ADNP: variants seen among roughly 807,000 people sequenced by gnomAD.
The protein encoded by ADNP is activity-dependent neuroprotector homeobox protein.
Under a neutral mutation model 84.9 loss-of-function variants are expected in ADNP, and 4 were observed. The ratio of observed to expected loss-of-function variants is 0.05; its 90% CI spans 0.02 to 0.11. ADNP has a LOEUF of 0.11. ADNP is among the 10% of genes least tolerant of loss of function. The probability of loss-of-function intolerance (pLI) is 1.00; values close to 1 mark genes in which losing one functional copy is unlikely to be tolerated. For synonymous variants in ADNP, 554 were observed against 468.1 expected, an observed-to-expected ratio of 1.18 and a Z score of -2.37; for missense variants, 1,132 against 1,326.0, an observed-to-expected ratio of 0.85 and a Z score of 2.27.
Position 50,892,066 on chromosome 20 carries a change from T to C in ADNP, c.2648A>G (p.Glu883Gly), listed in dbSNP as rs1980818418. ...DSSSDSFENL[E>G]EESNESGSPF... The stretch of plus-strand genomic sequence containing the variant: ...GCTACCACTTTCATTGGATTCTTCT[T>C]CCAAATTTTCAAAACTGTCTGAGGA... Residue 883 changes from glutamate (E) to glycine (G), a missense_variant, in exon 6 of 6, where the codon GAA becomes GGA. Physicochemically the swap from Glu to Gly is moderately conservative, Grantham distance 98. Around this residue, in one of 10 missense-constraint regions of ADNP, gnomAD observed 381 missense variants for 319.9 expected, o/e 1.19. Transcript: ENST00000621696. The C allele has an allele frequency of 6.2e-7, 1 of 1,614,160 alleles. No homozygotes were observed. The highest frequency in any genetic ancestry group is 1.3e-5 in the African/African-American group (1 of 75,042).
intron 5 of ADNP, among the ~76,000 whole-genome samples, chr20:50,895,581 T>G (rs1981297835): frequency 6.6e-6 from 1 of 152,208 alleles, no homozygotes; most frequent in Non-Finnish European, 1.5e-5. Context: ...AAAGTCTCAC[T>G]TTGTTGCTCA....
At chr20:50,907,753 TTG>T (rs3069795) in intron 2 of ADNP, among the ~76,000 whole-genome samples, 67,764 of 150,484 alleles carry the variant, frequency 0.45, 16,718 homozygotes, top group African/African-American at 0.68. Context: ...TGGCTATATT[TTG>T]TGTGTGTGTG....
At chr20:50,894,625 T>C (rs1350185599) in intron 5 of ADNP, 113 bp from the exon 6 acceptor site, 1 of 1,163,348 alleles carries the variant, frequency 8.6e-7, no homozygotes, top group East Asian at 2.6e-5. Context: ...CCGCGCGTGG[T>C]GGCTCACGCC....
At chr20:50,895,961 A>G (rs1411146267) in intron 5 of ADNP, among the ~76,000 whole-genome samples, 1 of 152,220 alleles carries the variant, frequency 6.6e-6, no homozygotes, top group East Asian at 1.9e-4. Context: ...ACAGTGGCTC[A>G]CACCTGTAAT....
chr20:50,894,624 G>C, intron 5 of ADNP, 112 bp from the exon 6 acceptor site: 1 of 1,193,180 alleles, frequency 8.4e-7, no homozygotes, highest in Non-Finnish European at 1.1e-6. Context: ...GCCGCGCGTG[G>C]TGGCTCACGC....
At position 50,889,668 on chromosome 20, in the gene ADNP, G is replaced by C; in HGVS notation, c.*1737C>G. 2 of 387,244 alleles carry C rather than the reference G, an allele frequency of 5.2e-6. No homozygotes were observed. 24.0% of individuals were successfully genotyped at this position (387,244 alleles called of 1,614,324 possible). On this transcript the variant is annotated 3_prime_UTR_variant, in exon 6 of 6. Transcript: ENST00000621696. ...GACTTCTTTAGGCCACTATCCTTGA[G>C]GTGACTGACCAGCCTCCTCATGGAT...
At chr20:50,927,870 T>C (rs891709200) in intron 2 of ADNP, among the ~76,000 whole-genome samples, 1 of 152,260 alleles carries the variant, frequency 6.6e-6, no homozygotes, top group African/African-American at 2.4e-5. Context: ...ACAAACTTCA[T>C]TTCAAACATT....
At chr20:50,895,765 C>G (rs1981320671) in intron 5 of ADNP, among the ~76,000 whole-genome samples, 1 of 152,178 alleles carries the variant, frequency 6.6e-6, no homozygotes, top group African/African-American at 2.4e-5. Flanking sequence ...AACTCCTGGG[C>G]TCGAGCAATC....
In ADNP at chr20:50,902,220, A is replaced by G. The variant is rs185318731; in HGVS notation, c.109-111T>C. The G allele has an allele frequency of 2.5e-3, 1,895 of 745,064 alleles. 12 individuals carry two copies. Among genetic ancestry groups the G allele is most frequent in the Non-Finnish European group, 3.0e-3 (1,320 of 442,566 alleles). The allele number at this position is 745,064 out of a possible 1,614,324, so 46.2% of individuals were successfully genotyped here. A position where few individuals can be genotyped will look rare whatever the true frequency, so the allele number is the denominator to read the frequency against. On this transcript the variant is annotated intron_variant, in intron 4 of 5. Transcript: ENST00000621696. ...GATGGGGAGAGGCACAGGAAAACCA[A>G]CGTCAACAAGGACTTAAACTAGGAG...
intron 2 of ADNP, among the ~76,000 whole-genome samples, chr20:50,916,223 C>T (rs756404478): frequency 2.0e-5 from 3 of 152,068 alleles, no homozygotes; most frequent in Non-Finnish European, 2.9e-5. Context: ...TTTTTTGTCA[C>T]CTTCCATCAA....
rs1191397817 is a variant in ADNP, at chr20:50,889,387, G to C, written c.*2018C>G. The C allele has an allele frequency of 6.6e-6, 1 of 152,364 alleles. No individual in the cohort carries two copies. 9.4% of individuals were successfully genotyped at this position (152,364 alleles called of 1,614,324 possible). Reference sequence around the variant, plus strand: ...GGTAATCTGTAGTATCTTAATTTGGGGACATCCTGTCCTAAGTTTTGGCTG... The same window carrying C: ...GGTAATCTGTAGTATCTTAATTTGGCGACATCCTGTCCTAAGTTTTGGCTG... On this transcript the variant is annotated 3_prime_UTR_variant, in exon 6 of 6. Transcript: ENST00000621696.
intron 2 of ADNP, among the ~76,000 whole-genome samples, chr20:50,921,056 G>T (rs1206453532): frequency 6.6e-6 from 1 of 152,160 alleles, no homozygotes; most frequent in Non-Finnish European, 1.5e-5. Context: ...TAAGCAGAAG[G>T]ACACTATCTC....
chr20:50,899,893 G>T (rs1388280016), intron 5 of ADNP, among the ~76,000 whole-genome samples: 1 of 143,950 alleles, frequency 6.9e-6, no homozygotes, highest in Non-Finnish European at 1.5e-5. Context: ...TTTTTGGAGC[G>T]GTAGCAAGAT....
rs1456173217 is a variant in ADNP, at chr20:50,924,350, A to G, written c.-90+4301T>C. 3.3e-5 allele frequency among the ~76,000 whole-genome samples: 5 copies of G among 152,332 alleles called. No individual in the cohort carries two copies. The East Asian group carries it at 7.7e-4, about 23-fold the overall frequency. On this transcript the variant is annotated intron_variant, in intron 2 of 5. Coordinates refer to ENST00000621696, the MANE Select transcript of ADNP (RefSeq NM_001282531.3). Reference sequence around the variant, plus strand: ...CTGGGGGTGTGGCTAGCTTCTTTACATGTAGACGCCATTGGAATCCTTGGG... The same window carrying G: ...CTGGGGGTGTGGCTAGCTTCTTTACGTGTAGACGCCATTGGAATCCTTGGG...
intron 5 of ADNP, among the ~76,000 whole-genome samples, chr20:50,900,822 G>A (rs552690632): frequency 5.9e-5 from 9 of 152,200 alleles, no homozygotes; most frequent in South Asian, 2.1e-4. Flanking sequence ...CAGATTCAGC[G>A]CTGATCAAAA....
intron 2 of ADNP, among the ~76,000 whole-genome samples, chr20:50,905,815 C>T (rs1982421722): frequency 6.6e-6 from 1 of 152,158 alleles, no homozygotes; most frequent in African/African-American, 2.4e-5. Context: ...TAAATTAAGA[C>T]CAAATCAATT....
At chr20:50,922,413 G>A (rs1349299554) in intron 2 of ADNP, among the ~76,000 whole-genome samples, 1 of 151,900 alleles carries the variant, frequency 6.6e-6, no homozygotes, top group Non-Finnish European at 1.5e-5. Context: ...TTAATTTGCT[G>A]GAGCATCTCA....
chr20:50,920,281 A>AAAAAG (rs1555816099), intron 2 of ADNP, among the ~76,000 whole-genome samples: 1 of 139,168 alleles, frequency 7.2e-6, no homozygotes. Flanking sequence ...AAAAAAAAAA[A>AAAAAG]AAAGAAAGAA....
chr20:50,895,699 C>T (rs1195945042), intron 5 of ADNP, among the ~76,000 whole-genome samples: 1 of 152,146 alleles, frequency 6.6e-6, no homozygotes. Flanking sequence ...TGTGCCACCA[C>T]ACTAGGGTAA....
Sources: gnomAD v4.1 joint callset for allele counts (sites outside exome capture counted in the v4.1 genomes callset) on GRCh38, gnomAD v4.1.1 for gene constraint, gnomAD v4.1.1 regional missense constraint, MANE v1.5 for transcripts, NCBI Gene and HGNC (gene_info 2026-07-23, HGNC 2026-07-21) for gene names.